Variants in PLEKHA4 observed in about 807,000 individuals in gnomAD.
PLEKHA4 encodes pleckstrin homology domain-containing family A member 4.
Under a neutral mutation model 94.7 loss-of-function variants are expected in PLEKHA4, and 73 were observed. The observed-to-expected ratio is 0.77, with a 90% CI of 0.64 to 0.94. The LOEUF (loss-of-function observed/expected upper bound fraction) is 0.94. Among genes scored for constraint, PLEKHA4 ranks in the 40% least tolerant of loss-of-function variants. The pLI is 0.00. For synonymous variants in PLEKHA4, 449 were observed against 437.1 expected, an observed-to-expected ratio of 1.03 and a Z score of -0.34; for missense variants, 1,049 against 1,054.1, an observed-to-expected ratio of 1.00 and a Z score of 0.07.
In PLEKHA4 at chr19:48,841,151, T is replaced by G; in HGVS notation, c.1903A>C (p.Arg635=). The G allele has an allele frequency of 6.2e-7, 1 of 1,607,810 alleles. No individual in the cohort carries two copies. The highest frequency in any genetic ancestry group is 1.1e-5 in the South Asian group (1 of 89,634). The change falls in exon 17 of 20, where the codon AGG becomes CGG. Residue 635 remains arginine (R), a splice_region_variant and synonymous_variant. Transcript: ENST00000263265. ...AGCCCCAGCCCTCCTCCCCTCACCCTTTGCTCCACGTCAGGCTGGCGTCTG... is the reference window on the plus strand; with the variant it reads ...AGCCCCAGCCCTCCTCCCCTCACCCGTTGCTCCACGTCAGGCTGGCGTCTG... The part of the protein sequence containing the change: ...PARRQPDVEQ[R]PVVGHSGAQK...
chr19:48,839,120 A>C, intron 18 of PLEKHA4, 85 bp downstream of exon 18: 1 of 912,276 alleles, frequency 1.1e-6, no homozygotes. Context: ...TTCCATATTC[A>C]GGAGACTTTA....
At position 48,838,083 on chromosome 19, in the gene PLEKHA4, C is replaced by T; in HGVS notation, c.2011G>A (p.Glu671Lys). The change falls in exon 19 of 20, where the codon GAG becomes AAG. Residue 671 changes from glutamate (E) to lysine (K), a missense_variant. By Grantham distance (56) the Glu-to-Lys change is moderately conservative. Coordinates refer to ENST00000263265, the MANE Select transcript of PLEKHA4 (RefSeq NM_020904.3). ...GCTTGGGAGAGGCTGAGAACCCGCT[C>T]CCGGTGACCTTCGGAAGTCGGCAAG... ...PYLPTSEGHRERVLSLSQALA... is the reference protein window; with the variant it reads ...PYLPTSEGHRKRVLSLSQALA... The T allele has an allele frequency of 6.2e-7, 1 of 1,613,454 alleles. No homozygotes were observed. Among genetic ancestry groups the T allele is most frequent in the South Asian group, 1.1e-5 (1 of 91,018 alleles).
intron 7 of PLEKHA4, 152 bp from the exon 8 acceptor site, chr19:48,859,291 G>A (rs1251886244): frequency 4.4e-6 from 4 of 902,216 alleles, no homozygotes; most frequent in Non-Finnish European, 6.8e-6. Flanking sequence ...CAAATCCTCA[G>A]TAATGTCCGC....
chr19:48,855,563 C>T (rs1206127610), intron 9 of PLEKHA4, among the ~76,000 whole-genome samples: 1 of 151,850 alleles, frequency 6.6e-6, no homozygotes, highest in African/African-American at 2.4e-5. Flanking sequence ...GAGATCGTGC[C>T]ATTGCACTCC....
chr19:48,868,547 CT>C lies in PLEKHA4; in HGVS notation c.-472del. ...TCTCTCTGGCTCTGCCGTTTCCTCC[CT>C]TTTCTCTTTCCGATTTCCCTTCTCA... On this transcript the variant is annotated 5_prime_UTR_variant, in exon 1 of 20. Coordinates refer to ENST00000263265, the MANE Select transcript of PLEKHA4 (RefSeq NM_020904.3). 6.5e-6 allele frequency: 1 copy of C among 152,712 alleles called. No individual in the cohort carries two copies. 9.5% of individuals were successfully genotyped at this position (152,712 alleles called of 1,614,324 possible). A position where few individuals can be genotyped will look rare whatever the true frequency, so the allele number is the denominator to read the frequency against.
chr19:48,863,689 T>G lies in PLEKHA4; in HGVS notation c.192+1814A>C, dbSNP rs837615. On this transcript the variant is annotated intron_variant, in intron 3 of 19. Transcript: ENST00000263265. Reference sequence around the variant, plus strand: ...TCCTGACCTCATGATCCGCCCACCTTGGCCTCCCAAAGTGCTGAGATTACA... The same window carrying G: ...TCCTGACCTCATGATCCGCCCACCTGGGCCTCCCAAAGTGCTGAGATTACA... Among the ~76,000 whole-genome samples, 6 of 151,774 alleles carry G rather than the reference T, an allele frequency of 4.0e-5. No individual in the cohort carries two copies. The South Asian group carries it at 1.3e-3, about 32-fold the overall frequency.
intron 6 of PLEKHA4, 51 bp downstream of exon 6, chr19:48,860,299 G>C (rs1285047058): frequency 6.7e-7 from 1 of 1,494,664 alleles, no homozygotes; most frequent in Non-Finnish European, 9.3e-7. Context: ...TTGGGATGAC[G>C]AGACTGACTC....
chr19:48,856,605 C>G (rs537335279), intron 9 of PLEKHA4, among the ~76,000 whole-genome samples: 253 of 152,126 alleles, frequency 1.7e-3, no homozygotes, highest in Admixed American at 4.8e-3. Flanking sequence ...GTAATCCCAG[C>G]TATTCAGGAG....
chr19:48,859,747 T>A, intron 6 of PLEKHA4, 63 bp from the exon 7 acceptor site: 1 of 1,461,100 alleles, frequency 6.8e-7, no homozygotes, highest in Non-Finnish European at 9.4e-7. Context: ...TATTCTCTTG[T>A]CACAGGTGAG....
At chr19:48,852,381 T>TC (rs2036232846) in intron 12 of PLEKHA4, 55 bp from the exon 13 acceptor site, 1 of 1,327,250 alleles carries the variant, frequency 7.5e-7, no homozygotes, top group East Asian at 2.3e-5. Context: ...ACCAGATCCT[T>TC]CCCCACCCCA....
At chr19:48,844,360 G>T in intron 16 of PLEKHA4, 5 of 599,440 alleles carry the variant, frequency 8.3e-6, no homozygotes, top group African/African-American at 2.1e-5. Flanking sequence ...TCACCATGTT[G>T]GTCAATCTGG....
At position 48,837,304 on chromosome 19, in the gene PLEKHA4, T is replaced by C. The variant is rs774312041; in HGVS notation, c.2325A>G (p.Leu775=). The change falls in exon 20 of 20, where the codon CTA becomes CTG. Residue 775 remains leucine (L), a synonymous_variant. Transcript: ENST00000263265. The surrounding 1 kb of genome is among the most constrained non-coding windows in gnomAD (Gnocchi z 4.3). ...TTTGGGCGGATTAGAAGCTGGATTG[T>C]AGCAGAGTGACTCGCAGAGGCCATG... ...EGAWPLRVTL[L]QSSF is the part of the protein sequence containing the mutation. 2.5e-6 allele frequency: 4 copies of C among 1,613,838 alleles called. No homozygotes were observed. Among genetic ancestry groups the C allele is most frequent in the South Asian group, 1.1e-5 (1 of 91,086 alleles).
intron 9 of PLEKHA4, among the ~76,000 whole-genome samples, chr19:48,856,705 G>A (rs1488485719): frequency 3.3e-5 from 5 of 151,488 alleles, no homozygotes; most frequent in South Asian, 2.1e-4. Flanking sequence ...GCGACAGAGC[G>A]AGACTCTGTC....
At position 48,845,558 on chromosome 19, in the gene PLEKHA4, C is replaced by T. The variant is rs779074447; in HGVS notation, c.1625G>A (p.Arg542Gln). 30 of 1,610,512 alleles carry T rather than the reference C, an allele frequency of 1.9e-5. No homozygotes were observed. The highest frequency in any genetic ancestry group is 1.1e-4 in the African/African-American group (8 of 74,680). The change falls in exon 15 of 20, where the codon CGG (arginine) becomes CAG (glutamine). Residue 542 changes from arginine to glutamine, a missense_variant. Transcript: ENST00000263265. The stretch of plus-strand genomic sequence containing the variant: ...GAGGTCTTTGTCGCCTCCAGGAGGC[C>T]GCCCCCAGTCAGTCTCGGGGGACCT... ...SPRSPETDWG[R>Q]PPGGDKDLAS...
rs370059930 is a variant in PLEKHA4, at chr19:48,841,259, G to T, written c.1795C>A (p.Arg599Ser). The stretch of plus-strand genomic sequence containing the variant: ...GGCCGTCCACATTCCTGGTTTCTGC[G>T]CATCCGCTCCAGCTGCTCCTGGGCA... ...MSAQEQLERM[R>S]RNQECGRPFP... The change falls in exon 17 of 20, where the codon CGC becomes AGC. Residue 599 changes from arginine to serine, a missense_variant. By Grantham distance (110) the Arg-to-Ser change is moderately radical. Transcript: ENST00000263265. The T allele has an allele frequency of 6.2e-7, 1 of 1,613,326 alleles. No individual in the cohort carries two copies. The highest frequency in any genetic ancestry group is 8.5e-7 in the Non-Finnish European group (1 of 1,179,870).
At chr19:48,848,455 C>T (rs2036054247) in intron 13 of PLEKHA4, among the ~76,000 whole-genome samples, 1 of 139,980 alleles carries the variant, frequency 7.1e-6, no homozygotes, top group South Asian at 2.3e-4. Context: ...CACTGCACTC[C>T]AGCCTGGGCG....
At chr19:48,843,842 G>C (rs901331247) in intron 16 of PLEKHA4, among the ~76,000 whole-genome samples, 3 of 151,538 alleles carry the variant, frequency 2.0e-5, no homozygotes, top group African/African-American at 7.3e-5. Flanking sequence ...ATTTTTAGTA[G>C]AGATGGGTTT....
chr19:48,863,219 C>A (rs2036709009), intron 3 of PLEKHA4, among the ~76,000 whole-genome samples: 1 of 152,182 alleles, frequency 6.6e-6, no homozygotes, highest in Non-Finnish European at 1.5e-5. Flanking sequence ...AATTCAGTCT[C>A]AAATTCCTTA....
intron 6 of PLEKHA4, 52 bp downstream of exon 6, chr19:48,860,298 C>G: frequency 1.3e-6 from 2 of 1,490,752 alleles, no homozygotes; most frequent in South Asian, 2.3e-5. Context: ...GTTGGGATGA[C>G]GAGACTGACT....
Sources: gnomAD v4.1 joint callset for allele counts (sites outside exome capture counted in the v4.1 genomes callset) on GRCh38, gnomAD v4.1.1 for gene constraint, Gnocchi (gnomAD v3.1) non-coding constraint, MANE v1.5 for transcripts, NCBI Gene and HGNC (gene_info 2026-07-23, HGNC 2026-07-21) for gene names.